IGSF21: variants seen among roughly 807,000 people sequenced by gnomAD.
IGSF21 encodes immunoglobulin superfamily member 21.
Under a neutral mutation model 46.8 loss-of-function variants are expected in IGSF21, and 28 were observed. The observed-to-expected ratio is 0.60, with a 90% CI of 0.44 to 0.82. The LOEUF is 0.82. Among genes scored for constraint, IGSF21 ranks in the 40% least tolerant of loss-of-function variants. The pLI is 0.00. For synonymous variants in IGSF21, 284 were observed against 273.6 expected, an observed-to-expected ratio of 1.04 and a Z score of -0.38; for missense variants, 624 against 665.5, an observed-to-expected ratio of 0.94 and a Z score of 0.69.
chr1:18,273,952 G>A (rs576029218), intron 2 of IGSF21, among the ~76,000 whole-genome samples: 2 of 152,090 alleles, frequency 1.3e-5, no homozygotes, highest in African/African-American at 4.8e-5. Flanking sequence ...TCCCAGCTTC[G>A]CCACTAGTCT....
At chr1:18,292,924 G>C (rs570207382) in intron 3 of IGSF21, among the ~76,000 whole-genome samples, 1 of 152,218 alleles carries the variant, frequency 6.6e-6, no homozygotes, top group East Asian at 1.9e-4. Context: ...CAAATGCTTT[G>C]CCAGGTGCCC....
intron 1 of IGSF21, among the ~76,000 whole-genome samples, chr1:18,193,596 C>G (rs571171178): frequency 1.3e-5 from 2 of 152,118 alleles, no homozygotes; most frequent in Non-Finnish European, 2.9e-5. Flanking sequence ...CTAACCTTTT[C>G]ATGTTTTTCT....
intron 1 of IGSF21, among the ~76,000 whole-genome samples, chr1:18,135,595 C>T (rs1402707004): frequency 6.6e-6 from 1 of 152,142 alleles, no homozygotes; most frequent in Non-Finnish European, 1.5e-5. Flanking sequence ...GTGAACTCAT[C>T]ATTTTTTATG....
intron 2 of IGSF21, among the ~76,000 whole-genome samples, chr1:18,283,930 T>C (rs542192652): frequency 6.6e-6 from 1 of 152,320 alleles, no homozygotes; most frequent in African/African-American, 2.4e-5. Flanking sequence ...AGGAGTCTTC[T>C]AAGTACCAGA....
intron 1 of IGSF21, among the ~76,000 whole-genome samples, chr1:18,116,903 C>T (rs2086193966): frequency 6.6e-6 from 1 of 152,184 alleles, no homozygotes; most frequent in African/African-American, 2.4e-5. Flanking sequence ...GGAATGCCAT[C>T]TGGGCAAGTG....
intron 1 of IGSF21, among the ~76,000 whole-genome samples, chr1:18,199,066 G>T (rs142482177): frequency 1.3e-5 from 2 of 152,016 alleles, no homozygotes; most frequent in Admixed American, 6.5e-5. Context: ...TTTGGTGCCC[G>T]TAAATGGGTT....
rs1363881260 is a variant in IGSF21 at position 18,225,083 on chromosome 1, TCTCACACACACACA to T, written c.71-2813_71-2800del. Among the ~76,000 whole-genome samples, 354 of 54,892 alleles carry T rather than the reference TCTCACACACACACA, an allele frequency of 6.4e-3. 2 individuals are homozygous for T. The highest frequency in any genetic ancestry group is 0.011 in the Admixed American group (51 of 4,652). 36.0% of individuals were successfully genotyped at this position (54,892 alleles called of 152,430 possible). On this transcript the variant is annotated intron_variant, in intron 1 of 9. Coordinates refer to ENST00000251296, the MANE Select transcript of IGSF21 (RefSeq NM_032880.5). ...CTGTATCTCTCTCTCTCTCTCTCTCTCTCACACACACACACACACACACACACACACACACACAC... is the reference window on the plus strand; with the variant it reads ...CTGTATCTCTCTCTCTCTCTCTCTCTCACACACACACACACACACACACAC...
chr1:18,220,254 A>C (rs1227881456), intron 1 of IGSF21, among the ~76,000 whole-genome samples: 1 of 152,100 alleles, frequency 6.6e-6, no homozygotes, highest in African/African-American at 2.4e-5. Context: ...GTGGCCACTC[A>C]CCACTCAGTG....
Position 18,138,927 on chromosome 1 carries a change from T to C in IGSF21, c.70+30729T>C, listed in dbSNP as rs1000691791. On this transcript the variant is annotated intron_variant, in intron 1 of 9. Coordinates refer to ENST00000251296, the MANE Select transcript of IGSF21 (RefSeq NM_032880.5). ...GAGCCACAAAGAGAGTCTGGGAGAG[T>C]TGGGATTCAGACCTGTCATTTTGTC... Among the ~76,000 whole-genome samples the C allele has an allele frequency of 4.0e-5, 6 of 151,894 alleles. No individual in the cohort carries two copies. In the East Asian group the frequency reaches 7.7e-4, roughly 20 times the overall value.
At chr1:18,329,905 C>T (rs971235006) in intron 3 of IGSF21, among the ~76,000 whole-genome samples, 1 of 152,236 alleles carries the variant, frequency 6.6e-6, no homozygotes, top group Non-Finnish European at 1.5e-5. Context: ...ACGGGGCATG[C>T]AGCATCCGCC....
At chr1:18,250,845 G>A (rs1256080978) in intron 2 of IGSF21, among the ~76,000 whole-genome samples, 1 of 152,164 alleles carries the variant, frequency 6.6e-6, no homozygotes, top group Non-Finnish European at 1.5e-5. Flanking sequence ...CTTTAGTGGG[G>A]TGAGGAGACA....
chr1:18,311,140 T>C (rs1254478446), intron 3 of IGSF21, among the ~76,000 whole-genome samples: 1 of 152,178 alleles, frequency 6.6e-6, no homozygotes, highest in Admixed American at 6.5e-5. Context: ...AAAGAACATG[T>C]ACACATTCAC....
chr1:18,159,911 G>T lies in IGSF21; in HGVS notation c.70+51713G>T, dbSNP rs544980648. On this transcript the variant is annotated intron_variant, in intron 1 of 9. Transcript: ENST00000251296. ...TTGGGCAGGCTGGTCTTGAACTCCT[G>T]ACCTTGTGATCCATCCACCTTGGCC... 1.2e-4 allele frequency among the ~76,000 whole-genome samples: 19 copies of T among 152,256 alleles called. No individual in the cohort carries two copies. In the South Asian group the frequency reaches 3.9e-3, roughly 32 times the overall value.
At position 18,227,914 on chromosome 1, in the gene IGSF21, C is replaced by T. The variant is rs780748308; in HGVS notation, c.87C>T (p.Asn29=). ...CTTCTGTAGGCTACCTGACAGTCAA[C>T]ATTGAGCCTCTCCCCCCTGTGGTGG... ...LDLARGYLTV[N]IEPLPPVVAG... Residue 29 remains asparagine, a synonymous_variant, in exon 2 of 10, where the codon AAC becomes AAT. Coordinates refer to ENST00000251296, the MANE Select transcript of IGSF21 (RefSeq NM_032880.5). 3 of 1,613,950 alleles carry T rather than the reference C, an allele frequency of 1.9e-6. No homozygotes were observed. Among genetic ancestry groups the T allele is most frequent in the Non-Finnish European group, 2.5e-6 (3 of 1,179,850 alleles).
rs1285794287 is a variant in IGSF21, at chr1:18,358,046, AGT to A, written c.425-4051_425-4050del. ...TGCAGATCTCCAGAGAGAGAGAGAG[AGT>A]GTGTGTGTGTGTGTGTGAATGTTTA... is the stretch of plus-strand genomic sequence containing the variant. On this transcript the variant is annotated intron_variant, in intron 4 of 9. Transcript: ENST00000251296. Among the ~76,000 whole-genome samples, 1,170 of 144,736 alleles carry A rather than the reference AGT, an allele frequency of 8.1e-3. 11 individuals are homozygous for A. Among genetic ancestry groups the A allele is most frequent in the Non-Finnish European group, 0.012 (836 of 66,884 alleles). 95.0% of individuals were successfully genotyped at this position (144,736 alleles called of 152,430 possible). A position where few individuals can be genotyped will look rare whatever the true frequency, so the allele number is the denominator to read the frequency against.
chr1:18,315,726 G>A (rs1027346509), intron 3 of IGSF21, among the ~76,000 whole-genome samples: 1 of 151,964 alleles, frequency 6.6e-6, no homozygotes, highest in African/African-American at 2.4e-5. Flanking sequence ...AGGTGTGGAT[G>A]GATAGATGGC....
intron 2 of IGSF21, among the ~76,000 whole-genome samples, chr1:18,265,647 A>G (rs1416790697): frequency 1.3e-5 from 2 of 152,136 alleles, no homozygotes; most frequent in African/African-American, 2.4e-5. Context: ...TCCTGTGCCC[A>G]TCAGGCCACT....
intron 1 of IGSF21, among the ~76,000 whole-genome samples, chr1:18,159,030 G>A (rs116524830): frequency 0.01 from 1,567 of 152,232 alleles, 27 homozygotes; most frequent in African/African-American, 0.035. Flanking sequence ...CAGGTTCCCT[G>A]GTGCCTGTGT....
Position 18,118,046 on chromosome 1 carries a change from C to T in IGSF21, c.70+9848C>T, listed in dbSNP as rs901590858. 5.9e-5 allele frequency among the ~76,000 whole-genome samples: 9 copies of T among 152,306 alleles called. No individual in the cohort carries two copies. In the East Asian group the frequency reaches 1.7e-3, roughly 29 times the overall value. Reference sequence around the variant, plus strand: ...CCCTGAAATTGGGTGGGGACCTTGGCAGCACTTCAGTAGGGAGCAACCCCC... The same window carrying T: ...CCCTGAAATTGGGTGGGGACCTTGGTAGCACTTCAGTAGGGAGCAACCCCC... On this transcript the variant is annotated intron_variant, in intron 1 of 9. Coordinates refer to ENST00000251296, the MANE Select transcript of IGSF21 (RefSeq NM_032880.5).
Sources: gnomAD v4.1 joint callset for allele counts (sites outside exome capture counted in the v4.1 genomes callset) on GRCh38, gnomAD v4.1.1 for gene constraint, MANE v1.5 for transcripts, NCBI Gene and HGNC (gene_info 2026-07-23, HGNC 2026-07-21) for gene names.